CDH18: variants seen among roughly 807,000 people sequenced by gnomAD.
CDH18 encodes cadherin-18.
In CDH18, 31 loss-of-function variants were observed where a neutral mutation model predicts 67.9. The observed-to-expected ratio is 0.46, with a 90% CI of 0.34 to 0.62. CDH18 has a LOEUF of 0.62. Ranked by LOEUF, CDH18 falls within the 20% of genes least tolerant of loss-of-function variation. CDH18 has a pLI of 0.01. For synonymous variants in CDH18, 362 were observed against 347.2 expected (o/e 1.04, Z -0.48); for missense variants, 890 against 975.5 (o/e 0.91, Z 1.17).
chr5:20,298,960 TGAG>T (rs1314519927), intron 1 of CDH18, among the ~76,000 whole-genome samples: 1 of 151,830 alleles, frequency 6.6e-6, no homozygotes, highest in African/African-American at 2.4e-5. Context: ...TTCACAAGAA[TGAG>T]GAGTAGAGTA....
At chr5:19,631,751 T>C (rs556080039) in intron 5 of CDH18, among the ~76,000 whole-genome samples, 17 of 152,296 alleles carry the variant, frequency 1.1e-4, no homozygotes, top group African/African-American at 4.1e-4. Context: ...TCTTATCCTA[T>C]CATTGGCATT....
At chr5:20,359,129 C>G (rs1353773538) in intron 1 of CDH18, among the ~76,000 whole-genome samples, 4 of 151,854 alleles carry the variant, frequency 2.6e-5, no homozygotes, top group Admixed American at 2.6e-4. Context: ...AGTGCTTTCT[C>G]TATGTTGGTC....
intron 1 of CDH18, among the ~76,000 whole-genome samples, chr5:20,438,474 T>A (rs1301397790): frequency 6.6e-6 from 1 of 151,336 alleles, no homozygotes; most frequent in Non-Finnish European, 1.5e-5. Context: ...TAAAATTCAT[T>A]CATCAAATTA....
At chr5:20,258,950 C>G (rs1208660773) in intron 1 of CDH18, among the ~76,000 whole-genome samples, 1 of 152,070 alleles carries the variant, frequency 6.6e-6, no homozygotes, top group Non-Finnish European at 1.5e-5. Flanking sequence ...AGCAGAGAAC[C>G]TAGGTAAGCC....
chr5:19,796,681 C>T (rs1437797389), intron 3 of CDH18, among the ~76,000 whole-genome samples: 2 of 151,998 alleles, frequency 1.3e-5, no homozygotes, highest in African/African-American at 2.4e-5. Flanking sequence ...CTGTTCTTTC[C>T]TTCATGAGTT....
intron 2 of CDH18, among the ~76,000 whole-genome samples, chr5:20,023,824 G>A (rs558707013): frequency 6.6e-6 from 1 of 152,040 alleles, no homozygotes; most frequent in African/African-American, 2.4e-5. Flanking sequence ...TCATAATCCC[G>A]CAGTCACTCA....
intron 5 of CDH18, among the ~76,000 whole-genome samples, chr5:19,614,975 G>A (rs944212510): frequency 6.6e-6 from 1 of 151,886 alleles, no homozygotes; most frequent in Non-Finnish European, 1.5e-5. Flanking sequence ...GTGAAACCCC[G>A]TCTCTACTAA....
At chr5:20,464,838 T>G (rs966676802) in intron 1 of CDH18, among the ~76,000 whole-genome samples, 2 of 152,050 alleles carry the variant, frequency 1.3e-5, no homozygotes, top group African/African-American at 4.8e-5. Context: ...TGTGTTACTA[T>G]GCATTAGGAA....
chr5:20,038,537 A>G (rs1740102407), intron 2 of CDH18, among the ~76,000 whole-genome samples: 2 of 152,208 alleles, frequency 1.3e-5, no homozygotes, highest in Non-Finnish European at 2.9e-5. Context: ...AAGCTGGTTC[A>G]ACATATGCAA....
chr5:19,600,775 T>C (rs1747002503), intron 6 of CDH18, among the ~76,000 whole-genome samples: 1 of 152,114 alleles, frequency 6.6e-6, no homozygotes, highest in South Asian at 2.1e-4. Context: ...ACATTATTTT[T>C]AAGGTGGAAT....
chr5:19,638,824 C>T (rs995585571), intron 5 of CDH18, among the ~76,000 whole-genome samples: 4 of 151,926 alleles, frequency 2.6e-5, no homozygotes, highest in African/African-American at 7.2e-5. Flanking sequence ...CATCACACAG[C>T]TCAATGCAAA....
intron 1 of CDH18, among the ~76,000 whole-genome samples, chr5:20,477,536 A>G (rs1301509354): frequency 2.6e-5 from 4 of 152,160 alleles, no homozygotes; most frequent in African/African-American, 4.8e-5. Context: ...GTCACAGCAA[A>G]AAGCAGCATG....
chr5:20,215,433 AAAATAAATAAAT>A (rs556518313), intron 2 of CDH18, among the ~76,000 whole-genome samples: 4 of 125,894 alleles, frequency 3.2e-5, no homozygotes, highest in South Asian at 2.5e-4. Flanking sequence ...TTCCATCCAA[AAAATAAATAAAT>A]AAATAAATAA....
At chr5:20,279,650 G>A (rs1402968459) in intron 1 of CDH18, among the ~76,000 whole-genome samples, 1 of 118,204 alleles carries the variant, frequency 8.5e-6, no homozygotes, top group Non-Finnish European at 1.6e-5. Context: ...AGTGAGCCGA[G>A]ATCATGCCAT....
chr5:19,903,668 G>A (rs1247723446), intron 2 of CDH18, among the ~76,000 whole-genome samples: 1 of 124,704 alleles, frequency 8.0e-6, no homozygotes, highest in Non-Finnish European at 1.6e-5. Flanking sequence ...CAAATCCTCT[G>A]AGCAGCACTT....
intron 4 of CDH18, among the ~76,000 whole-genome samples, chr5:19,738,039 G>GA (rs1331048687): frequency 1.3e-5 from 2 of 151,968 alleles, no homozygotes; most frequent in Non-Finnish European, 2.9e-5. Context: ...GATAAATATA[G>GA]AAAAAATGTC....
intron 2 of CDH18, among the ~76,000 whole-genome samples, chr5:19,849,067 G>A (rs1783344318): frequency 6.6e-6 from 1 of 151,792 alleles, no homozygotes; most frequent in African/African-American, 2.4e-5. Flanking sequence ...GAAAAGGTAG[G>A]AAGTAACAAA....
chr5:19,768,998 G>A (rs2149731494), intron 3 of CDH18, among the ~76,000 whole-genome samples: 2 of 151,980 alleles, frequency 1.3e-5, no homozygotes, highest in East Asian at 3.9e-4. Flanking sequence ...TTGACAAGAG[G>A]TCAATTGAGA....
chr5:20,449,707 A>G (rs895080013), intron 1 of CDH18, among the ~76,000 whole-genome samples: 15 of 152,084 alleles, frequency 9.9e-5, no homozygotes, highest in African/African-American at 3.6e-4. Flanking sequence ...AATTTCTTGC[A>G]GATTTAGTTA....
Sources: gnomAD v4.1 joint callset for allele counts (sites outside exome capture counted in the v4.1 genomes callset) on GRCh38, gnomAD v4.1.1 for gene constraint, MANE v1.5 for transcripts, NCBI Gene and HGNC (gene_info 2026-07-23, HGNC 2026-07-21) for gene names.